ZFPM2: variants seen among roughly 807,000 people sequenced by gnomAD.
The protein encoded by ZFPM2 is zinc finger protein ZFPM2.
In ZFPM2, 20 loss-of-function variants were observed where a neutral mutation model predicts 98.6. The ratio of observed to expected loss-of-function variants is 0.20; its 90% confidence interval spans 0.14 to 0.29. The LOEUF (loss-of-function observed/expected upper bound fraction) is 0.29. Ranked by LOEUF, ZFPM2 falls within the 10% of genes least tolerant of loss-of-function variation. The probability of loss-of-function intolerance (pLI) is 1.00; values close to 1 mark genes in which losing one functional copy is unlikely to be tolerated. For synonymous variants in ZFPM2, 518 were observed against 502.7 expected, an observed-to-expected ratio of 1.03 and a Z score of -0.41; for missense variants, 1,310 against 1,388.6, an observed-to-expected ratio of 0.94 and a Z score of 0.90.
chr8:105,691,454 T>G (rs1326240369), intron 5 of ZFPM2, among the ~76,000 whole-genome samples: 1 of 145,996 alleles, frequency 6.8e-6, no homozygotes, highest in African/African-American at 2.6e-5. Flanking sequence ...TTCACCTTGT[T>G]AGCCAGGATG....
intron 4 of ZFPM2, among the ~76,000 whole-genome samples, chr8:105,592,240 C>G (rs1198258906): frequency 6.6e-6 from 1 of 151,550 alleles, no homozygotes; most frequent in Admixed American, 6.6e-5. Flanking sequence ...TTCTTTTTTC[C>G]CCCCTGATGC....
chr8:105,498,383 CAT>C (rs1199558273), intron 3 of ZFPM2, among the ~76,000 whole-genome samples: 3 of 152,134 alleles, frequency 2.0e-5, no homozygotes, highest in Non-Finnish European at 4.4e-5. Flanking sequence ...TTTATTTAGA[CAT>C]GTGCTGATTG....
intron 1 of ZFPM2, among the ~76,000 whole-genome samples, chr8:105,321,585 GGTT>G (rs1203540116): frequency 3.3e-5 from 5 of 152,042 alleles, no homozygotes. Context: ...AGGACAAAAA[GGTT>G]GTTGGGCACA....
At chr8:105,497,081 G>T (rs1813485578) in intron 3 of ZFPM2, among the ~76,000 whole-genome samples, 1 of 151,528 alleles carries the variant, frequency 6.6e-6, no homozygotes, top group Non-Finnish European at 1.5e-5. Context: ...CGCCTCCAGG[G>T]TTCACACCAT....
At chr8:105,421,039 G>A (rs1294680615) in intron 2 of ZFPM2, among the ~76,000 whole-genome samples, 2 of 151,992 alleles carry the variant, frequency 1.3e-5, no homozygotes, top group African/African-American at 4.8e-5. Context: ...AACTTTCAAA[G>A]AAAGTTTTAA....
chr8:105,590,651 G>A (rs1194362244), intron 4 of ZFPM2, among the ~76,000 whole-genome samples: 1 of 152,226 alleles, frequency 6.6e-6, no homozygotes, highest in African/African-American at 2.4e-5. Context: ...GAGGGCTGAT[G>A]TGATAGGTTG....
chr8:105,566,804 CA>C (rs1815252257), intron 4 of ZFPM2, among the ~76,000 whole-genome samples: 1 of 152,128 alleles, frequency 6.6e-6, no homozygotes, highest in Non-Finnish European at 1.5e-5. Flanking sequence ...AAACTCATCG[CA>C]ACCTGTTAAA....
rs187830588 is a variant in ZFPM2, at chr8:105,507,309, C to T, written c.302-54054C>T. Among the ~76,000 whole-genome samples, 759 of 152,230 alleles carry T rather than the reference C, an allele frequency of 5.0e-3. 3 individuals carry two copies. Among genetic ancestry groups the T allele is most frequent in the African/African-American group, 0.016 (654 of 41,534 alleles). On this transcript the variant is annotated intron_variant, in intron 3 of 7. Transcript: ENST00000407775. ...TCAGGTTAGGGGTGAGTACTTGTGT[C>T]TATCATTTAACAATGTGAGAATTTC... is the stretch of plus-strand genomic sequence containing the variant.
At chr8:105,354,837 C>T (rs1372465283) in intron 1 of ZFPM2, among the ~76,000 whole-genome samples, 1 of 152,018 alleles carries the variant, frequency 6.6e-6, no homozygotes. Context: ...ACCTGTGGTC[C>T]CACCTACTCG....
At chr8:105,321,468 T>C (rs930348327) in intron 1 of ZFPM2, among the ~76,000 whole-genome samples, 1 of 152,160 alleles carries the variant, frequency 6.6e-6, no homozygotes, top group Non-Finnish European at 1.5e-5. Context: ...ATGTCCAGGA[T>C]TAGAAAATAA....
At chr8:105,680,841 A>G (rs1034468433) in intron 5 of ZFPM2, among the ~76,000 whole-genome samples, 7 of 152,176 alleles carry the variant, frequency 4.6e-5, no homozygotes, top group Admixed American at 3.9e-4. Context: ...TTATAACATG[A>G]AAGTAAAAAT....
intron 4 of ZFPM2, among the ~76,000 whole-genome samples, chr8:105,573,165 A>T (rs1419044902): frequency 6.6e-6 from 1 of 152,094 alleles, no homozygotes. Flanking sequence ...GCCTCTACTT[A>T]AGGCCACTCA....
chr8:105,500,070 A>G (rs1313657491), intron 3 of ZFPM2, among the ~76,000 whole-genome samples: 8 of 152,078 alleles, frequency 5.3e-5, no homozygotes, highest in Non-Finnish European at 1.2e-4. Context: ...TTTGTCTAAA[A>G]CTCTTCTATT....
At chr8:105,557,708 AAAAT>A (rs1402759873) in intron 3 of ZFPM2, among the ~76,000 whole-genome samples, 1 of 152,192 alleles carries the variant, frequency 6.6e-6, no homozygotes, top group African/African-American at 2.4e-5. Flanking sequence ...AAATATTTAT[AAAAT>A]AAATGAATGA....
At chr8:105,331,293 A>G (rs1313299043) in intron 1 of ZFPM2, among the ~76,000 whole-genome samples, 3 of 151,506 alleles carry the variant, frequency 2.0e-5, no homozygotes, top group Admixed American at 6.6e-5. Context: ...TTCTATGATT[A>G]ATCCTCCAGA....
chr8:105,664,321 T>TTGTGTGTGTG (rs148523592), intron 5 of ZFPM2, among the ~76,000 whole-genome samples: 168 of 144,624 alleles, frequency 1.2e-3, no homozygotes, highest in African/African-American at 3.0e-3. Context: ...CATAAAATTC[T>TTGTGTGTGTG]TGTGTGTGTG....
At chr8:105,722,030 T>C (rs1811680764) in intron 5 of ZFPM2, among the ~76,000 whole-genome samples, 1 of 151,862 alleles carries the variant, frequency 6.6e-6, no homozygotes, top group African/African-American at 2.4e-5. Context: ...GTTTTTGATA[T>C]GGTAGATTAA....
At chr8:105,509,809 A>C (rs1198489053) in intron 3 of ZFPM2, among the ~76,000 whole-genome samples, 1 of 152,178 alleles carries the variant, frequency 6.6e-6, no homozygotes, top group African/African-American at 2.4e-5. Flanking sequence ...GTTTCATATA[A>C]ATATCATTGC....
At chr8:105,755,628 G>T (rs1812580487) in intron 5 of ZFPM2, among the ~76,000 whole-genome samples, 1 of 151,942 alleles carries the variant, frequency 6.6e-6, no homozygotes, top group African/African-American at 2.4e-5. Context: ...TAATTTGTTG[G>T]TACAACTATA....
Sources: gnomAD v4.1 joint callset for allele counts (sites outside exome capture counted in the v4.1 genomes callset) on GRCh38, gnomAD v4.1.1 for gene constraint, MANE v1.5 for transcripts, NCBI Gene and HGNC (gene_info 2026-07-23, HGNC 2026-07-21) for gene names.